The following PKD1L3 variants were observed in gnomAD, a reference collection of about 807,000 sequenced individuals.
PKD1L3 encodes the protein polycystin 1 like 3, transient receptor potential channel interacting, also known as polycystin-1-like protein 3.
A neutral mutation model predicts 184.1 loss-of-function variants in PKD1L3; 239 were observed. The ratio of observed to expected loss-of-function variants is 1.30; its 90% CI spans 1.17 to 1.45. The LOEUF (loss-of-function observed/expected upper bound fraction) is 1.45. PKD1L3 is among the 40% of genes most tolerant of loss of function. PKD1L3 has a pLI of 0.00. For synonymous variants in PKD1L3, 996 were observed against 778.8 expected, an observed-to-expected ratio of 1.28 and a Z score of -4.64; for missense variants, 2,660 against 2,067.2, an observed-to-expected ratio of 1.29 and a Z score of -5.56.
Position 71,938,840 on chromosome 16 carries a change from C to A in PKD1L3, c.4325-1421G>T, listed in dbSNP as rs2038267608. ...ATGAAGCTCCTCTCCACCTCTCTCA[C>A]CCTCCAGTTGTCAGTGTACCTCATT... is the stretch of plus-strand genomic sequence containing the variant. On this transcript the variant is annotated intron_variant, in intron 24 of 29. Transcript: ENST00000620267. Among the ~76,000 whole-genome samples, 4 of 152,246 alleles carry A rather than the reference C, an allele frequency of 2.6e-5. No homozygotes were observed. The South Asian group carries it at 8.3e-4, about 32-fold the overall frequency.
intron 22 of PKD1L3, among the ~76,000 whole-genome samples, chr16:71,944,516 C>T (rs1164595653): frequency 6.6e-6 from 1 of 151,780 alleles, no homozygotes; most frequent in East Asian, 1.9e-4. Flanking sequence ...GACGTTGTCT[C>T]TACAAAAAAA....
intron 12 of PKD1L3, among the ~76,000 whole-genome samples, chr16:71,972,119 G>C (rs2039735589): frequency 6.6e-6 from 1 of 152,140 alleles, no homozygotes; most frequent in South Asian, 2.1e-4. Flanking sequence ...GGGAGGCTGA[G>C]GCAGGAGAAT....
Position 71,933,425 on chromosome 16 carries a change from C to T in PKD1L3, c.4921G>A (p.Glu1641Lys), listed in dbSNP as rs932049006. The change falls in exon 28 of 30, where the codon GAG (glutamate) becomes AAG (lysine). Residue 1641 changes from glutamate to lysine, a missense_variant. Glu to Lys is a moderately conservative substitution (Grantham distance 56, BLOSUM62 1). Coordinates refer to ENST00000620267, the MANE Select transcript of PKD1L3 (RefSeq NM_181536.2). Reference protein sequence around the residue: ...VGLLMGISHQEEVFALDPVLG... With the variant: ...VGLLMGISHQKEVFALDPVLG... The stretch of plus-strand genomic sequence containing the variant: ...AAACAAATTATTATTTTTACCTCCT[C>T]TTGGTGAGAAATTCCCATCAGGAGA... The T allele has an allele frequency of 3.2e-6, 5 of 1,540,754 alleles. No homozygotes were observed. The highest frequency in any genetic ancestry group is 4.4e-6 in the Non-Finnish European group (5 of 1,137,086).
At chr16:71,986,086 GT>G (rs758943727) in intron 5 of PKD1L3, 134 bp downstream of exon 5, 77 of 1,190,908 alleles carry the variant, frequency 6.5e-5, no homozygotes, top group Middle Eastern at 4.3e-4. Context: ...GACTTGTTTA[GT>G]TTTTGTTTTG....
chr16:71,983,909 C>A, intron 6 of PKD1L3, 127 bp downstream of exon 6: 2 of 1,288,180 alleles, frequency 1.6e-6, no homozygotes, highest in South Asian at 1.5e-5. Context: ...GTGATCCGCC[C>A]GCCTCGGCCT....
chr16:71,954,451 CTTTT>C (rs950142220), intron 16 of PKD1L3, 150 bp from the exon 17 acceptor site: 2 of 542,912 alleles, frequency 3.7e-6, no homozygotes, highest in Non-Finnish European at 6.2e-6. Flanking sequence ...TATTTTAATT[CTTTT>C]TTTATTTTAA....
At chr16:71,952,385 A>T (rs1480864684) in intron 18 of PKD1L3, among the ~76,000 whole-genome samples, 1 of 150,016 alleles carries the variant, frequency 6.7e-6, no homozygotes. Flanking sequence ...GCTAATTATT[A>T]TTTTTTTGTC....
At chr16:71,931,574 C>CA (rs1354459397) in intron 28 of PKD1L3, among the ~76,000 whole-genome samples, 1 of 149,222 alleles carries the variant, frequency 6.7e-6, no homozygotes. Context: ...AAGCGATTCT[C>CA]CTCAGTCAGT....
chr16:71,930,299 CTT>C (rs2037895162), intron 28 of PKD1L3, 116 bp from the exon 29 acceptor site: 1 of 1,067,918 alleles, frequency 9.4e-7, no homozygotes, highest in African/African-American at 1.6e-5. Context: ...CCGAAGGAAA[CTT>C]AGGGAGAGAG....
chr16:71,951,699 G>T lies in PKD1L3; in HGVS notation c.3055C>A (p.Leu1019Ile). ...VRFLLRRNTY[L>I]LSKCEQPPWS... Reference sequence around the variant, plus strand: ...GGCGGCTGCTCACACTTGGAGAGTAGGTATGTATTTCTCCTGAGCAGGAAT... The same window carrying T: ...GGCGGCTGCTCACACTTGGAGAGTATGTATGTATTTCTCCTGAGCAGGAAT... Residue 1019 changes from leucine to isoleucine, a missense_variant, in exon 19 of 30, where the codon CTA (leucine) becomes ATA (isoleucine). By Grantham distance (5) the Leu-to-Ile change is conservative (BLOSUM62 2). Coordinates refer to ENST00000620267, the MANE Select transcript of PKD1L3 (RefSeq NM_181536.2). 1 of 1,551,574 alleles carries T rather than the reference G, an allele frequency of 6.4e-7. No individual in the cohort carries two copies. The highest frequency in any genetic ancestry group is 1.2e-5 in the South Asian group (1 of 84,048).
chr16:71,958,078 T>C (rs2039115236), intron 16 of PKD1L3, among the ~76,000 whole-genome samples: 1 of 152,100 alleles, frequency 6.6e-6, no homozygotes, highest in Non-Finnish European at 1.5e-5. Flanking sequence ...TAGCTAACTA[T>C]GAGTCAAGAG....
chr16:71,966,971 C>G (rs1013832325), intron 15 of PKD1L3, among the ~76,000 whole-genome samples, 166 bp downstream of exon 15: 1 of 152,230 alleles, frequency 6.6e-6, no homozygotes, highest in Non-Finnish European at 1.5e-5. Flanking sequence ...ATCTCTCACA[C>G]TTCTTTCCAG....
In PKD1L3 at chr16:71,967,275, G is replaced by C; in HGVS notation, c.2327C>G (p.Pro776Arg). Residue 776 changes from proline (P) to arginine (R), a missense_variant, in exon 15 of 30, where the codon CCC becomes CGC. Coordinates refer to ENST00000620267, the MANE Select transcript of PKD1L3 (RefSeq NM_181536.2). ...CTTCTGGGGGTCACAGAGGTGATGG[G>C]GCTCACTCCGTCCCTCTGATCCATA... ...TLYGSEGRSE[P>R]HHLCDPQKTV... 1 of 1,551,590 alleles carries C rather than the reference G, an allele frequency of 6.4e-7. No homozygotes were observed. Among genetic ancestry groups the C allele is most frequent in the Non-Finnish European group, 8.7e-7 (1 of 1,146,952 alleles).
rs1310161650 is a variant in PKD1L3 at position 71,942,705 on chromosome 16, C to G, written c.4179G>C (p.Gly1393=). Residue 1393 remains glycine, a synonymous_variant, in exon 24 of 30, where the codon GGG becomes GGC. Transcript: ENST00000620267. ...LAFCDNGHTC[G]RPKSLFPGLH... is the part of the protein sequence containing the mutation. ...GTCCAGGGAATAGGCTCTTGGGACG[C>G]CCACAGGTATGGCCGTTATCACAAA... is the stretch of plus-strand genomic sequence containing the variant. 1 of 1,551,598 alleles carries G rather than the reference C, an allele frequency of 6.4e-7. No individual in the cohort carries two copies. Among genetic ancestry groups the G allele is most frequent in the Non-Finnish European group, 8.7e-7 (1 of 1,147,008 alleles).
chr16:71,956,383 G>GGT (rs1386895899), intron 16 of PKD1L3, among the ~76,000 whole-genome samples: 2 of 151,496 alleles, frequency 1.3e-5, no homozygotes, highest in African/African-American at 4.9e-5. Flanking sequence ...TAGTAGAGAT[G>GGT]GAGTTTCACC....
rs1400053019 is a variant in PKD1L3 at position 71,986,406 on chromosome 16, C to A, written c.649G>T (p.Val217Leu). 1.3e-6 allele frequency: 2 copies of A among 1,551,798 alleles called. No individual in the cohort carries two copies. The highest frequency in any genetic ancestry group is 2.4e-5 in the South Asian group (2 of 84,056). The change falls in exon 5 of 30, where the codon GTA becomes TTA. Residue 217 changes from valine (V) to leucine (L), a missense_variant. By Grantham distance (32) the Val-to-Leu change is conservative (BLOSUM62 1). Coordinates refer to ENST00000620267, the MANE Select transcript of PKD1L3 (RefSeq NM_181536.2). ...PSVLSSITSQVTSAASEPSSQ... is the reference protein window; with the variant it reads ...PSVLSSITSQLTSAASEPSSQ... ...CTGGGTTCAGATGCGGCTGATGTTA[C>A]CTGTGATGTGATACTTGATAGTACT... is the stretch of plus-strand genomic sequence containing the variant.
At chr16:71,937,476 G>C (rs2038220787) in intron 24 of PKD1L3, 57 bp from the exon 25 acceptor site, 8 of 1,522,228 alleles carry the variant, frequency 5.3e-6, no homozygotes, top group Non-Finnish European at 7.0e-6. Flanking sequence ...CCCTCTTCTT[G>C]TTAAACTTTG....
intron 4 of PKD1L3, among the ~76,000 whole-genome samples, chr16:71,989,042 C>T (rs4788592): frequency 0.46 from 70,330 of 151,922 alleles, 17,588 homozygotes; most frequent in African/African-American, 0.65. Context: ...TTTTCAAATG[C>T]CTTTAACTGA....
intron 2 of PKD1L3, 141 bp downstream of exon 2, chr16:71,998,131 G>C: frequency 8.8e-7 from 1 of 1,140,240 alleles, no homozygotes; most frequent in Non-Finnish European, 1.2e-6. Flanking sequence ...ATGCTAATCA[G>C]CATCATGAAA....
Sources: gnomAD v4.1 joint callset for allele counts (sites outside exome capture counted in the v4.1 genomes callset) on GRCh38, gnomAD v4.1.1 for gene constraint, MANE v1.5 for transcripts, NCBI Gene and HGNC (gene_info 2026-07-23, HGNC 2026-07-21) for gene names.